Variants in IPO4 observed in about 807,000 individuals in gnomAD.
The protein encoded by IPO4 is importin-4.
A neutral mutation model predicts 133.5 loss-of-function variants in IPO4; 91 were observed. That is an observed-to-expected ratio of 0.68 (90% CI 0.58 to 0.81). IPO4 has a LOEUF of 0.81. IPO4 is among the 30% of genes least tolerant of loss of function. IPO4 has a pLI of 0.00. For synonymous variants in IPO4, 607 were observed against 581.6 expected (o/e 1.04, Z -0.63); for missense variants, 1,279 against 1,386.2 (o/e 0.92, Z 1.23).
chr14:24,183,197 G>A (rs1462245164), intron 22 of IPO4, 28 bp from the exon 23 acceptor site: 6 of 1,610,904 alleles, frequency 3.7e-6, no homozygotes, highest in South Asian at 3.3e-5. Context: ...TGAAGCACCA[G>A]TCAGGCCCTG....
chr14:24,184,991 G>A lies in IPO4; in HGVS notation c.1409-11C>T, dbSNP rs1363363423. ...GCTGCACCTTGGGCCCTGTGGGAAAGGATGCTCCTCTACCAACCAACCCAG... is the reference window on the plus strand; with the variant it reads ...GCTGCACCTTGGGCCCTGTGGGAAAAGATGCTCCTCTACCAACCAACCCAG... On this transcript the variant is annotated splice_polypyrimidine_tract_variant and intron_variant, in intron 14 of 29. Transcript: ENST00000354464. 3 of 1,612,202 alleles carry A rather than the reference G, an allele frequency of 1.9e-6. No individual in the cohort carries two copies. Among genetic ancestry groups the A allele is most frequent in the South Asian group, 2.2e-5 (2 of 90,796 alleles).
rs749538036 is a variant in IPO4, at chr14:24,186,376, C to A, written c.916G>T (p.Gly306Cys). 5.0e-6 allele frequency: 8 copies of A among 1,612,960 alleles called. No individual in the cohort carries two copies. The African/African-American group carries it at 1.1e-4, about 22-fold the overall frequency. The change falls in exon 10 of 30, where the codon GGC (glycine) becomes TGC (cysteine). Residue 306 changes from glycine (G) to cysteine (C), a missense_variant. This residue lies in a region of IPO4 where 695 missense variants were observed against 704.1 expected (regional missense o/e 0.99). Coordinates refer to ENST00000354464, the MANE Select transcript of IPO4 (RefSeq NM_024658.4). ...TCCTGGTCCTCGGGATCCAACTGGCCTGGTGGGGGCTCAGCAGCCACAATG... is the reference window on the plus strand; with the variant it reads ...TCCTGGTCCTCGGGATCCAACTGGCATGGTGGGGGCTCAGCAGCCACAATG... ...FPIVAAEPPP[G>C]QLDPEDQDSE...
Position 24,187,687 on chromosome 14 carries a change from G to C in IPO4, c.388C>G (p.Pro130Ala), listed in dbSNP as rs541325634. ...LQLLQHSTHS[P>A]HSPEREMGLL... Reference sequence around the variant, plus strand: ...GGTACCTCTCTCTCTGGGCTGTGGGGGCTGTGGGTACTGTGCTGAAGCAGC... The same window carrying C: ...GGTACCTCTCTCTCTGGGCTGTGGGCGCTGTGGGTACTGTGCTGAAGCAGC... The change falls in exon 5 of 30, where the codon CCC (proline) becomes GCC (alanine). Residue 130 changes from proline to alanine, a missense_variant. Pro to Ala is a conservative substitution (Grantham distance 27). Transcript: ENST00000354464. The C allele has an allele frequency of 6.2e-7, 1 of 1,614,110 alleles. No individual in the cohort carries two copies. Among genetic ancestry groups the C allele is most frequent in the African/African-American group, 1.3e-5 (1 of 74,950 alleles).
At chr14:24,181,243 C>T (rs545925287) in intron 28 of IPO4, among the ~76,000 whole-genome samples, 1 of 152,324 alleles carries the variant, frequency 6.6e-6, no homozygotes, top group Admixed American at 6.5e-5. Context: ...ACTGCAACTT[C>T]TGGCTCAGAC....
Position 24,182,862 on chromosome 14 carries a change from T to G in IPO4, c.2422-20A>C. 6.2e-7 allele frequency: 1 copy of G among 1,613,284 alleles called. No homozygotes were observed. The highest frequency in any genetic ancestry group is 8.5e-7 in the Non-Finnish European group (1 of 1,179,934). On this transcript the variant is annotated intron_variant, in intron 23 of 29. Coordinates refer to ENST00000354464, the MANE Select transcript of IPO4 (RefSeq NM_024658.4). ...GGCTGTCTACAAGAAGTAGCTCAAC[T>G]TAGCGGAGCTTTCACGCCCCTTCTC...
At position 24,187,396 on chromosome 14, in the gene IPO4, T is replaced by C; in HGVS notation, c.588+4A>G. 1.2e-6 allele frequency: 2 copies of C among 1,613,868 alleles called. No homozygotes were observed. Among genetic ancestry groups the C allele is most frequent in the Non-Finnish European group, 1.7e-6 (2 of 1,179,854 alleles). Reference sequence around the variant, plus strand: ...GTCAAAGATAACGAGGGCCCACATCTCACCACATCTTCAGTGCTGAGGTAG... The same window carrying C: ...GTCAAAGATAACGAGGGCCCACATCCCACCACATCTTCAGTGCTGAGGTAG... On this transcript the variant is annotated splice_donor_region_variant and intron_variant, in intron 6 of 29. Coordinates refer to ENST00000354464, the MANE Select transcript of IPO4 (RefSeq NM_024658.4).
At chr14:24,188,044 A>G (rs2039251203) in intron 4 of IPO4, 172 bp downstream of exon 4, 1 of 801,216 alleles carries the variant, frequency 1.2e-6, no homozygotes, top group African/African-American at 1.7e-5. Flanking sequence ...TTGGCAGATC[A>G]TCATCACCCT....
intron 11 of IPO4, 58 bp downstream of exon 11, chr14:24,186,071 T>C (rs755988545): frequency 6.2e-7 from 1 of 1,606,344 alleles, no homozygotes; most frequent in African/African-American, 1.3e-5. Context: ...GTCGTTGGCC[T>C]CAGGGGGACT....
rs1305922600 is a variant in IPO4 at position 24,185,877 on chromosome 14, C to T, written c.1153G>A (p.Asp385Asn). Residue 385 changes from aspartate (D) to asparagine (N), a missense_variant, in exon 12 of 30, where the codon GAC (aspartate) becomes AAC (asparagine). Coordinates refer to ENST00000354464, the MANE Select transcript of IPO4 (RefSeq NM_024658.4). The stretch of plus-strand genomic sequence containing the variant: ...AATACATACCTCTGCCTGATGTGGT[C>T]GCCAGCTCCGTCAGACAGCACGGCC... ...VLAVLSDGAGDHIRQRLLPPL... is the reference protein window; with the variant it reads ...VLAVLSDGAGNHIRQRLLPPL... 3 of 1,613,542 alleles carry T rather than the reference C, an allele frequency of 1.9e-6. No individual in the cohort carries two copies. The highest frequency in any genetic ancestry group is 2.2e-5 in the East Asian group (1 of 44,886).
chr14:24,184,213 A>C (rs2039184456), intron 17 of IPO4, 85 bp downstream of exon 17: 4 of 1,555,168 alleles, frequency 2.6e-6, no homozygotes, highest in East Asian at 2.4e-5. Context: ...AGACGACTGG[A>C]GTCTGGGGTG....
chr14:24,187,826 C>A, intron 4 of IPO4, 30 bp from the exon 5 acceptor site: 2 of 1,612,892 alleles, frequency 1.2e-6, no homozygotes, highest in Non-Finnish European at 1.7e-6. Context: ...CCTCCAATCA[C>A]CCTTCAATAC....
In IPO4 at chr14:24,183,043, A is replaced by T. The variant is rs1049263891; in HGVS notation, c.2354T>A (p.Leu785His). Residue 785 changes from leucine to histidine, a missense_variant, in exon 23 of 30, where the codon CTC (leucine) becomes CAC (histidine). This residue lies in a region of IPO4 where 575 missense variants were observed against 653.4 expected (regional missense o/e 0.88). Transcript: ENST00000354464. ...LTGVLRSCGT[L>H]TLKPPGRLAE... Reference sequence around the variant, plus strand: ...GAGGCGCCCAGGGGGCTTCAGTGTGAGGGTCCCACAGCTGCGGAGCACCCC... The same window carrying T: ...GAGGCGCCCAGGGGGCTTCAGTGTGTGGGTCCCACAGCTGCGGAGCACCCC... 4.3e-6 allele frequency: 7 copies of T among 1,613,666 alleles called. No individual in the cohort carries two copies. Among genetic ancestry groups the T allele is most frequent in the Non-Finnish European group, 5.9e-6 (7 of 1,180,016 alleles).
chr14:24,180,930 GC>G (rs1380514620), intron 28 of IPO4, among the ~76,000 whole-genome samples, 172 bp from the exon 29 acceptor site: 1 of 152,172 alleles, frequency 6.6e-6, no homozygotes, highest in East Asian at 1.9e-4. Context: ...GAAACTTGGT[GC>G]TAATGATTTT....
intron 24 of IPO4, 116 bp downstream of exon 24, chr14:24,182,676 C>T (rs1309625826): frequency 1.1e-5 from 13 of 1,190,248 alleles, no homozygotes; most frequent in Non-Finnish European, 1.5e-5. Flanking sequence ...CTGGCCATTA[C>T]CAGTCTCTTT....
chr14:24,183,600 CAG>C lies in IPO4; in HGVS notation c.2051_2052del (p.Ser684CysfsTer16). 1 of 1,614,178 alleles carries C rather than the reference CAG, an allele frequency of 6.2e-7. No individual in the cohort carries two copies. The highest frequency in any genetic ancestry group is 8.5e-7 in the Non-Finnish European group (1 of 1,180,028). On this transcript the variant is annotated frameshift_variant, in exon 20 of 30. Coordinates refer to ENST00000354464, the MANE Select transcript of IPO4 (RefSeq NM_024658.4). LOFTEE classifies it high-confidence loss of function. ...EDTCAAVGEI[S>X]VNTSVAFLPY... ...AGGGCGAATGCTCACCTGGTGTTCA[CAG>C]AGATCTCCCCCACGGCAGCACAGGT...
At position 24,180,494 on chromosome 14, in the gene IPO4, G is replaced by A. The variant is rs2039114633; in HGVS notation, c.3194C>T (p.Ser1065Leu). 5.6e-6 allele frequency: 9 copies of A among 1,613,934 alleles called. No individual in the cohort carries two copies. The highest frequency in any genetic ancestry group is 7.6e-6 in the Non-Finnish European group (9 of 1,179,886). The change falls in exon 30 of 30, where the codon TCA (serine) becomes TTA (leucine). Residue 1065 changes from serine to leucine, a missense_variant. By Grantham distance (145) the Ser-to-Leu change is moderately radical. This residue lies in a region of IPO4 where 575 missense variants were observed against 653.4 expected (regional missense o/e 0.88). Transcript: ENST00000354464. ...CTCCTGAGCCTTGTCAACAGGCAGT[G>A]AGCCCAGAGCTGCTTGAAAGCTGTC... Reference protein sequence around the residue: ...HTDSFQAALGSLPVDKAQELQ... With the variant: ...HTDSFQAALGLLPVDKAQELQ...
intron 18 of IPO4, 45 bp downstream of exon 18, chr14:24,183,953 C>G: frequency 6.2e-7 from 1 of 1,613,426 alleles, no homozygotes; most frequent in South Asian, 1.1e-5. Flanking sequence ...GAGATAAATC[C>G]CATTGCAGGG....
intron 6 of IPO4, 104 bp downstream of exon 6, chr14:24,187,296 G>T (rs1594443762): frequency 6.7e-7 from 1 of 1,485,266 alleles, no homozygotes; most frequent in Non-Finnish European, 9.3e-7. Flanking sequence ...GTCAGGAAGG[G>T]CCACAGGCAG....
Position 24,183,010 on chromosome 14 carries a change from A to G in IPO4, c.2387T>C (p.Leu796Pro). The G allele has an allele frequency of 6.2e-7, 1 of 1,613,680 alleles. No individual in the cohort carries two copies. Among genetic ancestry groups the G allele is most frequent in the Non-Finnish European group, 8.5e-7 (1 of 1,179,862 alleles). Residue 796 changes from leucine (L) to proline (P), a missense_variant, in exon 23 of 30, where the codon CTC becomes CCC. By Grantham distance (98) the Leu-to-Pro change is moderately conservative. Transcript: ENST00000354464. ...CAGCACAGCCTTGAGCACGCCACAG[A>G]GCTCAGCGAGGCGCCCAGGGGGCTT... Reference protein sequence around the residue: ...TLKPPGRLAELCGVLKAVLQR... With the variant: ...TLKPPGRLAEPCGVLKAVLQR...
Sources: allele counts gnomAD v4.1 joint callset (sites outside exome capture counted in the v4.1 genomes callset), GRCh38; gene constraint gnomAD v4.1.1; regional missense constraint gnomAD v4.1.1; transcripts MANE v1.5; gene names NCBI Gene and HGNC (gene_info 2026-07-23, HGNC 2026-07-21).